The following TBC1D32 variants were observed in gnomAD, a reference collection of about 807,000 sequenced individuals.
TBC1D32 encodes the protein TBC1 domain family member 32, also known as protein broad-minded.
In TBC1D32, 151 loss-of-function variants were observed where a neutral mutation model predicts 170.3. The ratio of observed to expected loss-of-function variants is 0.89; its 90% CI spans 0.78 to 1.01. The LOEUF (loss-of-function observed/expected upper bound fraction) is 1.01, where lower values mean the gene tolerates loss of function less well. Ranked by LOEUF, TBC1D32 falls within the 50% of genes least tolerant of loss-of-function variation. TBC1D32 has a pLI of 0.00. For missense variants in TBC1D32, 1,464 were observed against 1,457.1 expected, an observed-to-expected ratio of 1.00 and a Z score of -0.08; for synonymous variants, 498 against 488.0, an observed-to-expected ratio of 1.02 and a Z score of -0.27.
chr6:121,081,226 C>A (rs1188071512), intron 31 of TBC1D32, among the ~76,000 whole-genome samples: 1 of 151,984 alleles, frequency 6.6e-6, no homozygotes, highest in Non-Finnish European at 1.5e-5. Context: ...TTAGTAAAGA[C>A]CCTAAAACTT....
At chr6:121,266,164 A>G (rs1215644655) in intron 15 of TBC1D32, among the ~76,000 whole-genome samples, 2 of 152,196 alleles carry the variant, frequency 1.3e-5, no homozygotes, top group Non-Finnish European at 2.9e-5. Flanking sequence ...AAATTTTTGC[A>G]ATGTACCATC....
At chr6:121,155,437 T>C (rs1043081117) in intron 24 of TBC1D32, among the ~76,000 whole-genome samples, 19 of 152,172 alleles carry the variant, frequency 1.2e-4, no homozygotes, top group African/African-American at 4.3e-4. Flanking sequence ...AATTGTATCA[T>C]CAGCAAGGGG....
At chr6:121,093,123 G>A (rs1456920291) in intron 30 of TBC1D32, among the ~76,000 whole-genome samples, 1 of 152,078 alleles carries the variant, frequency 6.6e-6, no homozygotes, top group Non-Finnish European at 1.5e-5. Flanking sequence ...TCAACAGGCA[G>A]TATATATTAA....
chr6:121,280,620 G>A (rs975289455), intron 14 of TBC1D32, among the ~76,000 whole-genome samples: 10 of 151,772 alleles, frequency 6.6e-5, no homozygotes, highest in Non-Finnish European at 1.2e-4. Flanking sequence ...TGGACCAAGC[G>A]TAAAATTTTC....
intron 18 of TBC1D32, among the ~76,000 whole-genome samples, chr6:121,241,960 G>A (rs1035865892): frequency 3.9e-5 from 6 of 151,930 alleles, no homozygotes; most frequent in South Asian, 2.1e-4. Context: ...TAAAACATAC[G>A]ATAATTAACT....
chr6:121,122,846 T>C (rs938237594), intron 26 of TBC1D32, among the ~76,000 whole-genome samples: 1 of 151,978 alleles, frequency 6.6e-6, no homozygotes, highest in Non-Finnish European at 1.5e-5. Context: ...TTGGGAGTGA[T>C]GTGAAGAGTT....
chr6:121,329,098 T>C (rs1261991903), intron 1 of TBC1D32, among the ~76,000 whole-genome samples: 3 of 152,238 alleles, frequency 2.0e-5, no homozygotes, highest in East Asian at 3.8e-4. Flanking sequence ...TAGTAACTGA[T>C]TATTTGAAAT....
At chr6:121,115,019 T>A (rs571559937) in intron 27 of TBC1D32, among the ~76,000 whole-genome samples, 153 bp downstream of exon 27, 2 of 152,302 alleles carry the variant, frequency 1.3e-5, no homozygotes, top group South Asian at 2.1e-4. Flanking sequence ...CATGTGCCAA[T>A]ATCCTCAAAA....
At chr6:121,213,408 A>C (rs1247218283) in intron 21 of TBC1D32, among the ~76,000 whole-genome samples, 1 of 151,668 alleles carries the variant, frequency 6.6e-6, no homozygotes, top group Non-Finnish European at 1.5e-5. Context: ...CTCCAACAAT[A>C]GCCAAGTCAA....
intron 26 of TBC1D32, among the ~76,000 whole-genome samples, chr6:121,116,974 G>A (rs775934485): frequency 6.6e-6 from 1 of 152,026 alleles, no homozygotes. Context: ...TCTTCTGAGG[G>A]ACTTTTTAAA....
intron 1 of TBC1D32, among the ~76,000 whole-genome samples, chr6:121,323,759 G>A (rs4360166): frequency 0.83 from 125,656 of 152,074 alleles, 53,798 homozygotes; most frequent in South Asian, 0.97. Context: ...GGCCAGTATG[G>A]TGAAATCCCA....
chr6:121,145,929 G>C (rs965774025), intron 24 of TBC1D32, among the ~76,000 whole-genome samples: 3 of 152,122 alleles, frequency 2.0e-5, no homozygotes, highest in Admixed American at 1.3e-4. Flanking sequence ...ATTTGCAGAG[G>C]TTAAAGAGTA....
chr6:121,236,472 C>T (rs1030756332), intron 20 of TBC1D32, among the ~76,000 whole-genome samples: 3 of 151,976 alleles, frequency 2.0e-5, no homozygotes, highest in African/African-American at 7.2e-5. Flanking sequence ...ATCGAAACTA[C>T]ATAACTGTTT....
chr6:121,161,787 T>A (rs764108489), intron 22 of TBC1D32, among the ~76,000 whole-genome samples: 26 of 152,206 alleles, frequency 1.7e-4, no homozygotes, highest in Non-Finnish European at 3.1e-4. Flanking sequence ...GTTGAACTAA[T>A]TTACACTCCC....
At position 121,161,019 on chromosome 6, in the gene TBC1D32, G is replaced by C. The variant is rs779343511; in HGVS notation, c.2608C>G (p.His870Asp). 3 of 1,613,422 alleles carry C rather than the reference G, an allele frequency of 1.9e-6. No homozygotes were observed. Among genetic ancestry groups the C allele is most frequent in the Admixed American group, 3.3e-5 (2 of 59,884 alleles). ...ACAAGATTTATTCTAACAAGAACAT[G>C]ATTTCTCTCCACTGATAAGCCATCA... ...IIDGLSVERN[H>D]VLVRINLVGG... is the part of the protein sequence containing the mutation. The change falls in exon 23 of 32, where the codon CAT becomes GAT. Residue 870 changes from histidine (H) to aspartate (D), a missense_variant. Transcript: ENST00000398212.
chr6:121,312,509 C>G (rs1367644814), intron 3 of TBC1D32, among the ~76,000 whole-genome samples: 1 of 152,040 alleles, frequency 6.6e-6, no homozygotes, highest in African/African-American at 2.4e-5. Context: ...GAAGCAGGAG[C>G]CTAGGAGAGC....
intron 9 of TBC1D32, among the ~76,000 whole-genome samples, chr6:121,301,675 TTAAAG>T (rs555611503): frequency 2.6e-4 from 40 of 152,218 alleles, no homozygotes; most frequent in Admixed American, 2.6e-3. Context: ...ACCCTGGAAC[TTAAAG>T]TATAGTAAAA....
chr6:121,177,025 T>C (rs1468346003), intron 22 of TBC1D32, among the ~76,000 whole-genome samples: 1 of 151,798 alleles, frequency 6.6e-6, no homozygotes, highest in Non-Finnish European at 1.5e-5. Flanking sequence ...TTATCCTGAA[T>C]ATGTCATTTT....
At chr6:121,205,322 T>G (rs112988318) in intron 21 of TBC1D32, among the ~76,000 whole-genome samples, 159 bp from the exon 22 acceptor site, 1,851 of 152,108 alleles carry the variant, frequency 0.012, 42 homozygotes, top group African/African-American at 0.042. Context: ...AGAAGAAGAA[T>G]AATAGTATAA....
Sources: gnomAD v4.1 joint callset for allele counts (sites outside exome capture counted in the v4.1 genomes callset) on GRCh38, gnomAD v4.1.1 for gene constraint, MANE v1.5 for transcripts, NCBI Gene and HGNC (gene_info 2026-07-23, HGNC 2026-07-21) for gene names.